The following CHSY3 variants were observed in gnomAD, a reference collection of about 807,000 sequenced individuals.
CHSY3 encodes N-acetylgalactosaminyl-proteoglycan 3-beta-glucuronosyltransferase 3.
Under a neutral mutation model 67.2 loss-of-function variants are expected in CHSY3, and 35 were observed. The ratio of observed to expected loss-of-function variants is 0.52; its 90% confidence interval spans 0.40 to 0.69. The LOEUF is 0.69. CHSY3 is among the 30% of genes least tolerant of loss of function. The probability of loss-of-function intolerance (pLI) is 0.00; values close to 1 mark genes in which losing one functional copy is unlikely to be tolerated. For synonymous variants in CHSY3, 474 were observed against 434.7 expected (o/e 1.09, Z -1.12); for missense variants, 1,069 against 1,138.5 (o/e 0.94, Z 0.88).
At chr5:130,141,182 G>A in intron 2 of CHSY3, 1 of 450,038 alleles carries the variant, frequency 2.2e-6, no homozygotes, top group East Asian at 6.4e-5. Context: ...ATCTGAAAAT[G>A]TTCAAGATTT....
At chr5:130,011,387 A>G (rs755068769) in intron 2 of CHSY3, among the ~76,000 whole-genome samples, 1 of 152,214 alleles carries the variant, frequency 6.6e-6, no homozygotes, top group Non-Finnish European at 1.5e-5. Flanking sequence ...TGGTCATCCC[A>G]ATAGATGCTG....
intron 2 of CHSY3, among the ~76,000 whole-genome samples, chr5:130,161,398 CTTCTT>C (rs1769539611): frequency 6.6e-6 from 1 of 152,110 alleles, no homozygotes; most frequent in Admixed American, 6.6e-5. Context: ...ATTGGATGTC[CTTCTT>C]TTCAAGATTT....
intron 2 of CHSY3, chr5:130,001,746 AT>A: frequency 1.2e-6 from 1 of 838,710 alleles, no homozygotes; most frequent in Non-Finnish European, 1.4e-6. Flanking sequence ...GCTCATAAAA[AT>A]TGGCATCCCT....
chr5:130,059,995 A>AG, intron 2 of CHSY3, among the ~76,000 whole-genome samples: 1 of 152,146 alleles, frequency 6.6e-6, no homozygotes, highest in East Asian at 1.9e-4. Context: ...TGTACAAAAA[A>AG]AAAACTGGTA....
intron 2 of CHSY3, among the ~76,000 whole-genome samples, chr5:130,125,252 C>T (rs562516280): frequency 1.0e-3 from 156 of 152,210 alleles, no homozygotes; most frequent in South Asian, 2.1e-3. Flanking sequence ...CCTCATCTCT[C>T]CAAAAATTAA....
At chr5:129,905,799 G>A in intron 1 of CHSY3, 168 bp downstream of exon 1, 1 of 1,351,664 alleles carries the variant, frequency 7.4e-7, no homozygotes, top group Non-Finnish European at 9.6e-7. Context: ...CCCACAATTC[G>A]TAGCCCGTTC....
At chr5:130,080,785 G>A (rs1561527492) in intron 2 of CHSY3, among the ~76,000 whole-genome samples, 1 of 152,004 alleles carries the variant, frequency 6.6e-6, no homozygotes, top group African/African-American at 2.4e-5. Flanking sequence ...TTTCTGAATT[G>A]AAGATTATAC....
At position 130,185,239 on chromosome 5, in the gene CHSY3, T is replaced by G. The variant is rs73788438; in HGVS notation, c.2097T>G (p.Leu699=). The G allele has an allele frequency of 6.4e-3, 10,282 of 1,606,366 alleles. 432 individuals carry two copies. In the African/African-American group the frequency reaches 0.1, roughly 16 times the overall value. The change falls in exon 3 of 3, where the codon CTT becomes CTG. Residue 699 remains leucine (L), a synonymous_variant. Transcript: ENST00000305031. The part of the protein sequence containing the change: ...IPMKGEFSRG[L]GLEMASAQFD... ...TGAAGGGAGAGTTTTCCAGAGGTCT[T>G]GGTCTTGAAATGGCTTCTGCCCAGT...
chr5:130,066,853 C>G (rs10491273), intron 2 of CHSY3, among the ~76,000 whole-genome samples: 12,793 of 152,102 alleles, frequency 0.084, 1,758 homozygotes, highest in African/African-American at 0.29. Flanking sequence ...CGGGGTCTGT[C>G]ATAGGCTTAT....
At chr5:130,023,672 G>A (rs1414309814) in intron 2 of CHSY3, among the ~76,000 whole-genome samples, 2 of 151,934 alleles carry the variant, frequency 1.3e-5, no homozygotes, top group African/African-American at 4.8e-5. Flanking sequence ...GAATACTGAA[G>A]TCTAAAACCA....
chr5:130,176,954 G>T (rs1050474398), intron 2 of CHSY3, among the ~76,000 whole-genome samples: 1 of 151,948 alleles, frequency 6.6e-6, no homozygotes, highest in African/African-American at 2.4e-5. Flanking sequence ...ACATGTATCT[G>T]CACATGTATC....
At position 129,904,608 on chromosome 5, in the gene CHSY3, C is replaced by A; in HGVS notation, c.-222C>A. 4.4e-6 allele frequency: 3 copies of A among 684,910 alleles called. No individual in the cohort carries two copies. The highest frequency in any genetic ancestry group is 6.8e-5 in the South Asian group (1 of 14,642). The allele number at this position is 684,910 out of a possible 1,614,324, so 42.4% of individuals were successfully genotyped here. ...AGAAGTTTCACTCCCGACCCTTGCT[C>A]GGAGCCCCGGCCCAGAGCTGAGCGG... On this transcript the variant is annotated 5_prime_UTR_variant, in exon 1 of 3. Coordinates refer to ENST00000305031, the MANE Select transcript of CHSY3 (RefSeq NM_175856.5).
intron 2 of CHSY3, among the ~76,000 whole-genome samples, chr5:130,021,930 A>G (rs1381905790): frequency 3.3e-5 from 5 of 152,112 alleles, no homozygotes; most frequent in African/African-American, 1.2e-4. Flanking sequence ...ATTATGTGCC[A>G]TCTATTGGAA....
intron 2 of CHSY3, among the ~76,000 whole-genome samples, chr5:130,057,153 T>A (rs910157072): frequency 6.6e-6 from 1 of 151,900 alleles, no homozygotes; most frequent in Non-Finnish European, 1.5e-5. Flanking sequence ...CTCGATCTCC[T>A]GACCTTGTGA....
At chr5:130,081,827 A>G (rs917960820) in intron 2 of CHSY3, among the ~76,000 whole-genome samples, 2 of 152,062 alleles carry the variant, frequency 1.3e-5, no homozygotes, top group African/African-American at 4.8e-5. Flanking sequence ...TTCTTTATAA[A>G]TTACCCACTC....
At chr5:129,963,073 C>G (rs77908770) in intron 2 of CHSY3, among the ~76,000 whole-genome samples, 3,448 of 151,812 alleles carry the variant, frequency 0.023, 128 homozygotes, top group African/African-American at 0.078. Flanking sequence ...TGAGAATTGA[C>G]TATAACTTGT....
At chr5:130,098,326 T>A (rs965126628) in intron 2 of CHSY3, among the ~76,000 whole-genome samples, 5 of 152,186 alleles carry the variant, frequency 3.3e-5, no homozygotes, top group African/African-American at 9.6e-5. Context: ...GTCTTTCTCC[T>A]ATAACTTGGA....
At chr5:130,055,732 G>A (rs114805951) in intron 2 of CHSY3, among the ~76,000 whole-genome samples, 1,863 of 151,974 alleles carry the variant, frequency 0.012, 35 homozygotes, top group African/African-American at 0.043. Flanking sequence ...CACTGCCACC[G>A]GAAGCACTGT....
At chr5:129,973,898 A>C (rs572528413) in intron 2 of CHSY3, among the ~76,000 whole-genome samples, 1 of 152,196 alleles carries the variant, frequency 6.6e-6, no homozygotes, top group East Asian at 1.9e-4. Context: ...TATAAACCTC[A>C]AACTACTTGT....
Sources: gnomAD v4.1 joint callset for allele counts (sites outside exome capture counted in the v4.1 genomes callset) on GRCh38, gnomAD v4.1.1 for gene constraint, MANE v1.5 for transcripts, NCBI Gene and HGNC (gene_info 2026-07-23, HGNC 2026-07-21) for gene names.